Variants in FOXA1 observed in about 807,000 individuals in gnomAD.
FOXA1 encodes forkhead box A1, also known as hepatocyte nuclear factor 3-alpha.
Under a neutral mutation model 29.2 loss-of-function variants are expected in FOXA1, and 9 were observed. That is an observed-to-expected ratio of 0.31 (90% confidence interval 0.19 to 0.54). FOXA1 has a LOEUF of 0.54. FOXA1 is among the 20% of genes least tolerant of loss of function. The pLI, the probability that FOXA1 is intolerant of heterozygous loss-of-function variation, is 0.95. For synonymous variants in FOXA1, 340 were observed against 300.9 expected (o/e 1.13, Z -1.34); for missense variants, 644 against 681.2 (o/e 0.95, Z 0.61).
In FOXA1 at chr14:37,592,618, T is replaced by G; in HGVS notation, c.166A>C (p.Ser56Arg). 1 of 1,614,190 alleles carries G rather than the reference T, an allele frequency of 6.2e-7. No homozygotes were observed. Among genetic ancestry groups the G allele is most frequent in the South Asian group, 1.1e-5 (1 of 91,084 alleles). The change falls in exon 2 of 2, where the codon AGC (serine) becomes CGC (arginine). Residue 56 changes from serine (S) to arginine (R), a missense_variant. By Grantham distance (110) the Ser-to-Arg change is moderately radical. Coordinates refer to ENST00000250448, the MANE Select transcript of FOXA1 (RefSeq NM_004496.5). ...TYMTMNTMTT[S>R]GNMTPASFNM... The stretch of plus-strand genomic sequence containing the variant: ...AAGGACGCCGGGGTCATGTTGCCGC[T>G]CGTAGTCATGGTGTTCATGGTCATG...
In FOXA1 at chr14:37,595,086, G is replaced by A. The variant is rs576556723; in HGVS notation, c.-114C>T. The A allele has an allele frequency of 1.5e-4, 126 of 863,080 alleles. No individual in the cohort carries two copies. The highest frequency in any genetic ancestry group is 2.7e-4 in the Middle Eastern group (1 of 3,738). 53.5% of individuals were successfully genotyped at this position (863,080 alleles called of 1,614,324 possible). ...CAGCTGCAGTCACCCGAGCGCCCGC[G>A]CGGGCCCAACGCCACCCGGGCGAAG... On this transcript the variant is annotated 5_prime_UTR_variant, in exon 1 of 2. Coordinates refer to ENST00000250448, the MANE Select transcript of FOXA1 (RefSeq NM_004496.5).
In FOXA1 at chr14:37,592,381, T is replaced by C. The variant is rs2139183236; in HGVS notation, c.403A>G (p.Asn135Asp). ...TACGCCATGGGGCTCATGCACGGGT[T>C]CATGGCGGCCGCGTAGGGGCCCAGG... is the stretch of plus-strand genomic sequence containing the variant. ...NGLGPYAAAM[N>D]PCMSPMAYAP... The change falls in exon 2 of 2, where the codon AAC (asparagine) becomes GAC (aspartate). Residue 135 changes from asparagine (N) to aspartate (D), a missense_variant. Transcript: ENST00000250448. 6.2e-7 allele frequency: 1 copy of C among 1,603,418 alleles called. No individual in the cohort carries two copies. The highest frequency in any genetic ancestry group is 1.1e-5 in the South Asian group (1 of 90,662).
In FOXA1 at chr14:37,592,477, C is replaced by T. The variant is rs762936547; in HGVS notation, c.307G>A (p.Ala103Thr). ...CTCGGGCTCAGCGCCGTACCCATGG[C>T]CGTCACGCCGGCCGCAGTCATGCTG... ...MNSMTAAGVT[A>T]MGTALSPSGM... The change falls in exon 2 of 2, where the codon GCC (alanine) becomes ACC (threonine). Residue 103 changes from alanine to threonine, a missense_variant. Ala to Thr is a moderately conservative substitution (Grantham distance 58). This residue lies in a region of FOXA1 where 309 missense variants were observed against 307.0 expected (regional missense o/e 1.01). Transcript: ENST00000250448. 3 of 1,607,478 alleles carry T rather than the reference C, an allele frequency of 1.9e-6. No individual in the cohort carries two copies. The East Asian group carries it at 6.7e-5, about 36-fold the overall frequency.
At position 37,589,553 on chromosome 14, in the gene FOXA1, T is replaced by C. The variant is rs767377268; in HGVS notation, c.*1812A>G. Among the ~76,000 whole-genome samples the C allele has an allele frequency of 1.3e-5, 2 of 152,158 alleles. No homozygotes were observed. The highest frequency in any genetic ancestry group is 4.8e-5 in the African/African-American group (2 of 41,410). The stretch of plus-strand genomic sequence containing the variant: ...GAGAAGAGAGTTCATGAGTCTCCGT[T>C]GGACACAACTTAATTCTATCAGCCA... On this transcript the variant is annotated 3_prime_UTR_variant, in exon 2 of 2. Transcript: ENST00000250448.
At position 37,589,897 on chromosome 14, in the gene FOXA1, A is replaced by G. The variant is rs1002749626; in HGVS notation, c.*1468T>C. 1 of 231,508 alleles carries G rather than the reference A, an allele frequency of 4.3e-6. No individual in the cohort carries two copies. The highest frequency in any genetic ancestry group is 5.6e-5 in the Admixed American group (1 of 17,740). 14.3% of individuals were successfully genotyped at this position (231,508 alleles called of 1,614,324 possible). ...AATTTTATTTTCATTTTTGTCATTT[A>G]TATTCAGTTCTAGAATTTGAAAAAT... On this transcript the variant is annotated 3_prime_UTR_variant, in exon 2 of 2. Transcript: ENST00000250448.
rs2095594722 is a variant in FOXA1, at chr14:37,590,757, C to T, written c.*608G>A. The T allele has an allele frequency of 4.1e-6, 1 of 241,456 alleles. No individual in the cohort carries two copies. Among genetic ancestry groups the T allele is most frequent in the Non-Finnish European group, 8.2e-6 (1 of 122,504 alleles). 15.0% of individuals were successfully genotyped at this position (241,456 alleles called of 1,614,324 possible). ...TATTTCATTTAAAGACATCTGCTAT[C>T]TGCATGTATCAGAAATGTAAACTGA... On this transcript the variant is annotated 3_prime_UTR_variant, in exon 2 of 2. Coordinates refer to ENST00000250448, the MANE Select transcript of FOXA1 (RefSeq NM_004496.5).
At chr14:37,593,979 G>T in intron 1 of FOXA1, 1 of 930,714 alleles carries the variant, frequency 1.1e-6, no homozygotes, top group Non-Finnish European at 1.4e-6. Flanking sequence ...AAACTCAGAG[G>T]TAAACTTGTG....
rs1241769635 is a variant in FOXA1 at position 37,595,013 on chromosome 14, C to G, written c.-41G>C. The G allele has an allele frequency of 1.3e-6, 2 of 1,527,246 alleles. No individual in the cohort carries two copies. The highest frequency in any genetic ancestry group is 8.9e-7 in the Non-Finnish European group (1 of 1,125,434). The allele number at this position is 1,527,246 out of a possible 1,614,324, so 94.6% of individuals were successfully genotyped here. On this transcript the variant is annotated 5_prime_UTR_variant, in exon 1 of 2. Coordinates refer to ENST00000250448, the MANE Select transcript of FOXA1 (RefSeq NM_004496.5). The stretch of plus-strand genomic sequence containing the variant: ...CCCAATACAACCATCCAGCCCTGTG[C>G]GAAGCGACGGGCGGCCGCGCGGCGC...
Position 37,591,941 on chromosome 14 carries a change from TCCGCTC to T in FOXA1, c.837_842del (p.Ser282_Gly283del). On this transcript the variant is annotated inframe_deletion, in exon 2 of 2. Transcript: ENST00000250448. ...CGCCCTTGGCGCCGCTGCCCCCGCT[TCCGCTC>T]CCGCCCCCGCCGCCGGCCCCCGGCT... is the stretch of plus-strand genomic sequence containing the variant. 1.3e-6 allele frequency: 2 copies of T among 1,508,650 alleles called. No individual in the cohort carries two copies. Among genetic ancestry groups the T allele is most frequent in the Non-Finnish European group, 1.8e-6 (2 of 1,131,694 alleles). 93.5% of individuals were successfully genotyped at this position (1,508,650 alleles called of 1,614,324 possible).
At position 37,594,883 on chromosome 14, in the gene FOXA1, C is replaced by A; in HGVS notation, c.72+18G>T. 1 of 1,554,060 alleles carries A rather than the reference C, an allele frequency of 6.4e-7. No individual in the cohort carries two copies. Among genetic ancestry groups the A allele is most frequent in the South Asian group, 1.1e-5 (1 of 87,238 alleles). On this transcript the variant is annotated intron_variant, in intron 1 of 1. Coordinates refer to ENST00000250448, the MANE Select transcript of FOXA1 (RefSeq NM_004496.5). ...CCAGCGGCGCCCCACCGGCCGCCCGCCTCGCCTTGCCTCTCACCTCCTGCG... is the reference window on the plus strand; with the variant it reads ...CCAGCGGCGCCCCACCGGCCGCCCGACTCGCCTTGCCTCTCACCTCCTGCG...
In FOXA1 at chr14:37,591,614, C is replaced by T. The variant is rs547183484; in HGVS notation, c.1170G>A (p.Gly390=). 9.9e-6 allele frequency: 16 copies of T among 1,609,842 alleles called. No homozygotes were observed. The highest frequency in any genetic ancestry group is 2.7e-5 in the African/African-American group (2 of 75,016). ...GGTGGTTGAAGGAGTAGTGGGGGTC[C>T]CCTTTCAGGTGCAGCTGGGACTCGT... is the stretch of plus-strand genomic sequence containing the variant. ...APHESQLHLK[G]DPHYSFNHPF... The change falls in exon 2 of 2, where the codon GGG becomes GGA. Residue 390 remains glycine, a synonymous_variant. Coordinates refer to ENST00000250448, the MANE Select transcript of FOXA1 (RefSeq NM_004496.5).
In FOXA1 at chr14:37,592,501, T is replaced by A. The variant is rs2095596957; in HGVS notation, c.283A>T (p.Ser95Cys). 6.2e-7 allele frequency: 1 copy of A among 1,611,316 alleles called. No individual in the cohort carries two copies. The highest frequency in any genetic ancestry group is 8.5e-7 in the Non-Finnish European group (1 of 1,179,436). ...GCCGTCACGCCGGCCGCAGTCATGCTGTTCATGGCGCCCGCCGAGCCCCCC... is the reference window on the plus strand; with the variant it reads ...GCCGTCACGCCGGCCGCAGTCATGCAGTTCATGGCGCCCGCCGAGCCCCCC... ...MPGGSAGAMN[S>C]MTAAGVTAMG... Residue 95 changes from serine to cysteine, a missense_variant, in exon 2 of 2, where the codon AGC becomes TGC. This residue lies in a region of FOXA1 where 309 missense variants were observed against 307.0 expected (regional missense o/e 1.01). Coordinates refer to ENST00000250448, the MANE Select transcript of FOXA1 (RefSeq NM_004496.5).
At chr14:37,593,927 T>C in intron 1 of FOXA1, 1 of 433,910 alleles carries the variant, frequency 2.3e-6, no homozygotes, top group Non-Finnish European at 3.5e-6. Flanking sequence ...TGAGAACAAA[T>C]AGATTTAAAT....
rs1427306353 is a variant in FOXA1, at chr14:37,592,253, C to G, written c.531G>C (p.Ser177=). 1 of 1,613,830 alleles carries G rather than the reference C, an allele frequency of 6.2e-7. No individual in the cohort carries two copies. Residue 177 remains serine (S), a synonymous_variant, in exon 2 of 2, where the codon TCG becomes TCC. Transcript: ENST00000250448. ...PHAKPPYSYI[S]LITMAIQQAP... ...CCTGCTGGATGGCCATGGTGATGAG[C>G]GAGATGTACGAGTAGGGCGGCTTGG...
Position 37,592,559 on chromosome 14 carries a change from G to C in FOXA1, c.225C>G (p.Ala75=), listed in dbSNP as rs754491245. ...NMSYANPGLG[A]GLSPGAVAGM... is the part of the protein sequence containing the mutation. ...CGGCTACTGCGCCGGGACTCAGGCC[G>C]GCCCCTAGGCCCGGGTTGGCATAGG... The change falls in exon 2 of 2, where the codon GCC becomes GCG. Residue 75 remains alanine (A), a synonymous_variant. Transcript: ENST00000250448. 2 of 1,614,034 alleles carry C rather than the reference G, an allele frequency of 1.2e-6. No homozygotes were observed. The highest frequency in any genetic ancestry group is 1.7e-6 in the Non-Finnish European group (2 of 1,179,942).
At chr14:37,594,771 G>A in intron 1 of FOXA1, 130 bp downstream of exon 1, 1 of 506,924 alleles carries the variant, frequency 2.0e-6, no homozygotes, top group Non-Finnish European at 2.8e-6. Context: ...CGGCGGGCGG[G>A]CAGCGGTGGC....
Position 37,591,099 on chromosome 14 carries a change from T to G in FOXA1, c.*266A>C, listed in dbSNP as rs866341845. 1 of 534,544 alleles carries G rather than the reference T, an allele frequency of 1.9e-6. No homozygotes were observed. Among genetic ancestry groups the G allele is most frequent in the Admixed American group, 3.1e-5 (1 of 31,800 alleles). The allele number at this position is 534,544 out of a possible 1,614,324, so 33.1% of individuals were successfully genotyped here. ...CAAGGAAGGAGGAGAATTTCATATA[T>G]ACACTTGTGGATCATTAAACTTCGC... On this transcript the variant is annotated 3_prime_UTR_variant, in exon 2 of 2. Coordinates refer to ENST00000250448, the MANE Select transcript of FOXA1 (RefSeq NM_004496.5).
Position 37,592,199 on chromosome 14 carries a change from C to G in FOXA1, c.585G>C (p.Glu195Asp), listed in dbSNP as rs767330980. The change falls in exon 2 of 2, where the codon GAG becomes GAC. Residue 195 changes from glutamate (E) to aspartate (D), a missense_variant. Glu to Asp is a conservative substitution (Grantham distance 45). Coordinates refer to ENST00000250448, the MANE Select transcript of FOXA1 (RefSeq NM_004496.5). ...AGAGGTCCATGATCCACTGGTAGAT[C>G]TCGCTCAGCGTGAGCATCTTGCTGG... ...QAPSKMLTLS[E>D]IYQWIMDLFP... 23 of 1,613,818 alleles carry G rather than the reference C, an allele frequency of 1.4e-5. No individual in the cohort carries two copies. The highest frequency in any genetic ancestry group is 1.9e-5 in the Non-Finnish European group (23 of 1,179,852).
At position 37,591,384 on chromosome 14, in the gene FOXA1, G is replaced by C. The variant is rs769510593; in HGVS notation, c.1400C>G (p.Pro467Arg). The change falls in exon 2 of 2, where the codon CCC becomes CGC. Residue 467 changes from proline (P) to arginine (R), a missense_variant. By Grantham distance (103) the Pro-to-Arg change is moderately radical (BLOSUM62 -2). Transcript: ENST00000250448. ...PAYYQGVYSRPVLNTS is the reference protein window; with the variant it reads ...PAYYQGVYSRRVLNTS ...CGGGAGCTAGGAAGTGTTTAGGACG[G>C]GTCTGGAATACACACCTTGGTAGTA... The C allele has an allele frequency of 3.1e-6, 5 of 1,613,862 alleles. No individual in the cohort carries two copies. Among genetic ancestry groups the C allele is most frequent in the African/African-American group, 1.3e-5 (1 of 75,054 alleles).
Sources: gnomAD v4.1 joint callset for allele counts (sites outside exome capture counted in the v4.1 genomes callset) on GRCh38, gnomAD v4.1.1 for gene constraint, gnomAD v4.1.1 regional missense constraint, MANE v1.5 for transcripts, NCBI Gene and HGNC (gene_info 2026-07-23, HGNC 2026-07-21) for gene names.